PEAK1: variants seen among roughly 807,000 people sequenced by gnomAD.
The protein encoded by PEAK1 is pseudopodium enriched atypical kinase 1.
PEAK1 carries 54 observed loss-of-function variants against 124.7 expected under a neutral mutation model. That is an observed-to-expected ratio of 0.43 (90% confidence interval 0.35 to 0.54). The LOEUF (loss-of-function observed/expected upper bound fraction) is 0.54, where lower values mean the gene tolerates loss of function less well. PEAK1 is among the 20% of genes least tolerant of loss of function. The pLI is 0.01. For synonymous variants in PEAK1, 719 were observed against 760.0 expected, an observed-to-expected ratio of 0.95 and a Z score of 0.89; for missense variants, 2,046 against 2,134.5, an observed-to-expected ratio of 0.96 and a Z score of 0.82.
chr15:77,239,091 C>T (rs1361655893), intron 6 of PEAK1, among the ~76,000 whole-genome samples: 1 of 152,070 alleles, frequency 6.6e-6, no homozygotes, highest in Non-Finnish European at 1.5e-5. Context: ...TGTGTAGTAG[C>T]AAGGAGAGGT....
chr15:77,377,057 C>G (rs1030981610), intron 1 of PEAK1, among the ~76,000 whole-genome samples: 1 of 152,094 alleles, frequency 6.6e-6, no homozygotes, highest in Non-Finnish European at 1.5e-5. Flanking sequence ...ATATTGAATA[C>G]TGTAGGCAAT....
chr15:77,304,480 G>C (rs935051568), intron 2 of PEAK1, among the ~76,000 whole-genome samples: 29 of 119,928 alleles, frequency 2.4e-4, no homozygotes, highest in African/African-American at 9.0e-4. Flanking sequence ...ACGGAGTCTC[G>C]CTCTGTCTCC....
intron 8 of PEAK1, among the ~76,000 whole-genome samples, chr15:77,153,675 G>A (rs1237904747): frequency 1.3e-5 from 2 of 152,088 alleles, no homozygotes; most frequent in African/African-American, 2.4e-5. Flanking sequence ...AGAGATTCTG[G>A]TATGTTGTGT....
intron 2 of PEAK1, among the ~76,000 whole-genome samples, chr15:77,297,214 T>C (rs1243727243): frequency 6.6e-6 from 1 of 151,908 alleles, no homozygotes; most frequent in Non-Finnish European, 1.5e-5. Flanking sequence ...GAAGTACTAC[T>C]GCCATTCACA....
chr15:77,116,560 T>TAA (rs551183564), intron 9 of PEAK1, among the ~76,000 whole-genome samples: 1 of 142,814 alleles, frequency 7.0e-6, no homozygotes, highest in South Asian at 2.2e-4. Flanking sequence ...TCAAATAGAT[T>TAA]AAAAAAAAAA....
intron 5 of PEAK1, among the ~76,000 whole-genome samples, chr15:77,279,019 TG>T (rs1003243695): frequency 4.0e-5 from 6 of 151,714 alleles, no homozygotes; most frequent in African/African-American, 1.2e-4. Flanking sequence ...TTAGTAGAGG[TG>T]GGGTTTCACC....
rs3743479 is a variant in PEAK1 at position 77,114,054 on chromosome 15, C to T, written c.*102G>A. The T allele has an allele frequency of 0.7, 901,085 of 1,281,414 alleles. 324,165 individuals carry two copies. Among genetic ancestry groups the T allele is most frequent in the Non-Finnish European group, 0.75 (683,874 of 906,340 alleles). 79.4% of individuals were successfully genotyped at this position (1,281,414 alleles called of 1,614,324 possible). ...GTTCACGGACAGGGATAGAGGTTTG[C>T]CTTTCTTCTTTCCTTGAATTTGGAG... On this transcript the variant is annotated 3_prime_UTR_variant, in exon 10 of 10. Coordinates refer to ENST00000682557, the MANE Select transcript of PEAK1 (RefSeq NM_001385026.1).
chr15:77,333,071 T>C (rs2065988988), intron 2 of PEAK1: 8 of 983,252 alleles, frequency 8.1e-6, no homozygotes, highest in Non-Finnish European at 9.7e-6. Context: ...TAAATATTCC[T>C]TCATATTTGA....
At chr15:77,154,098 CATT>C (rs1314248313) in intron 8 of PEAK1, among the ~76,000 whole-genome samples, 2 of 152,026 alleles carry the variant, frequency 1.3e-5, no homozygotes, top group African/African-American at 4.8e-5. Flanking sequence ...TAAAGTCTCC[CATT>C]ATTATTGTGT....
At chr15:77,298,027 T>C (rs2063581127) in intron 2 of PEAK1, among the ~76,000 whole-genome samples, 2 of 118,510 alleles carry the variant, frequency 1.7e-5, no homozygotes, top group African/African-American at 6.7e-5. Flanking sequence ...CACTGCAGTC[T>C]GCAGTCCGGC....
At chr15:77,174,256 G>C (rs1471095132) in intron 7 of PEAK1, among the ~76,000 whole-genome samples, 1 of 152,190 alleles carries the variant, frequency 6.6e-6, no homozygotes, top group South Asian at 2.1e-4. Context: ...AGAGCCTGGG[G>C]TCTGGCCTTT....
chr15:77,342,191 A>T (rs2066584086), intron 2 of PEAK1, among the ~76,000 whole-genome samples: 1 of 150,956 alleles, frequency 6.6e-6, no homozygotes, highest in Non-Finnish European at 1.5e-5. Flanking sequence ...ACAACATAAA[A>T]TCTTCACCAT....
intron 8 of PEAK1, among the ~76,000 whole-genome samples, chr15:77,153,123 CT>C (rs377241202): frequency 2.0e-5 from 3 of 152,022 alleles, no homozygotes; most frequent in Non-Finnish European, 4.4e-5. Flanking sequence ...TGGTCCTGGA[CT>C]TTTTTTGGTT....
chr15:77,348,813 G>GCC, intron 2 of PEAK1: 1 of 371,958 alleles, frequency 2.7e-6, no homozygotes, highest in Non-Finnish European at 3.6e-6. Context: ...GAGGGGGCGG[G>GCC]CAGGTGGGGG....
chr15:77,373,361 A>G (rs542239886), intron 1 of PEAK1, among the ~76,000 whole-genome samples: 1 of 152,184 alleles, frequency 6.6e-6, no homozygotes, highest in Admixed American at 6.5e-5. Flanking sequence ...ATATACTTAC[A>G]TAAGTACCTC....
At chr15:77,394,988 T>A (rs1046011620) in intron 1 of PEAK1, among the ~76,000 whole-genome samples, 1 of 152,204 alleles carries the variant, frequency 6.6e-6, no homozygotes, top group Non-Finnish European at 1.5e-5. Flanking sequence ...AACTCCTATG[T>A]ACCCATAAAA....
intron 8 of PEAK1, among the ~76,000 whole-genome samples, chr15:77,151,680 T>C (rs1336679289): frequency 6.6e-6 from 1 of 152,194 alleles, no homozygotes; most frequent in Non-Finnish European, 1.5e-5. Flanking sequence ...CTTGAATTAA[T>C]TTTTGTATAA....
intron 1 of PEAK1, among the ~76,000 whole-genome samples, chr15:77,408,010 CATATACACAT>C (rs891788788): frequency 4.0e-5 from 6 of 150,990 alleles, no homozygotes; most frequent in African/African-American, 1.2e-4. Flanking sequence ...CACACGTACA[CATATACACAT>C]ATATACACAC....
At chr15:77,292,055 A>G (rs1333832103) in intron 2 of PEAK1, among the ~76,000 whole-genome samples, 1 of 152,092 alleles carries the variant, frequency 6.6e-6, no homozygotes, top group African/African-American at 2.4e-5. Context: ...CTTACACTGT[A>G]CAAATATAAG....
Sources: allele counts gnomAD v4.1 joint callset (sites outside exome capture counted in the v4.1 genomes callset), GRCh38; gene constraint gnomAD v4.1.1; transcripts MANE v1.5; gene names NCBI Gene and HGNC (gene_info 2026-07-23, HGNC 2026-07-21).